Variants in EHMT1 observed in about 807,000 individuals in gnomAD.
The protein encoded by EHMT1 is histone-lysine N-methyltransferase EHMT1.
In EHMT1, 15 loss-of-function variants were observed where a neutral mutation model predicts 147.2. The ratio of observed to expected loss-of-function variants is 0.10; its 90% CI spans 0.07 to 0.16. The LOEUF (loss-of-function observed/expected upper bound fraction) is 0.16. Ranked by LOEUF, EHMT1 falls within the 10% of genes least tolerant of loss-of-function variation. EHMT1 has a pLI of 1.00. For synonymous variants in EHMT1, 795 were observed against 709.6 expected (o/e 1.12, Z -1.91); for missense variants, 1,587 against 1,772.4 (o/e 0.90, Z 1.88).
intron 3 of EHMT1, among the ~76,000 whole-genome samples, chr9:137,721,632 C>A (rs1334375595): frequency 6.7e-6 from 1 of 150,358 alleles, no homozygotes; most frequent in Non-Finnish European, 1.5e-5. Context: ...TCATCCTCTC[C>A]CACGCCTCTC....
intron 18 of EHMT1, among the ~76,000 whole-genome samples, chr9:137,806,310 AT>A (rs1326785756): frequency 1.3e-5 from 2 of 151,856 alleles, no homozygotes; most frequent in Non-Finnish European, 2.9e-5. Flanking sequence ...TGCTCCTGCC[AT>A]CCCCATCCCT....
intron 1 of EHMT1, among the ~76,000 whole-genome samples, chr9:137,707,656 G>T (rs1315936463): frequency 6.6e-6 from 1 of 152,262 alleles, no homozygotes; most frequent in African/African-American, 2.4e-5. Context: ...TTATTCGGTA[G>T]TGTGTTACAT....
intron 1 of EHMT1, chr9:137,640,856 C>T (rs894708865): frequency 6.5e-6 from 1 of 152,866 alleles, no homozygotes; most frequent in African/African-American, 2.4e-5. Context: ...GTATTTCCCC[C>T]CCAGATAAGT....
At chr9:137,639,750 C>T (rs548096164) in intron 1 of EHMT1, among the ~76,000 whole-genome samples, 2 of 152,126 alleles carry the variant, frequency 1.3e-5, no homozygotes, top group South Asian at 2.1e-4. Context: ...CTTGTAGATT[C>T]AGCAGTTGAA....
chr9:137,649,162 G>A (rs551635891), intron 1 of EHMT1, among the ~76,000 whole-genome samples: 8 of 152,104 alleles, frequency 5.3e-5, no homozygotes, highest in Middle Eastern at 3.4e-3. Context: ...GTGTTCTCCC[G>A]GCTGGGTGCA....
intron 18 of EHMT1, among the ~76,000 whole-genome samples, chr9:137,804,268 C>T (rs1953746880): frequency 6.6e-6 from 1 of 152,214 alleles, no homozygotes; most frequent in Non-Finnish European, 1.5e-5. Flanking sequence ...TCCTCCGCAT[C>T]CTTCCCAACA....
chr9:137,770,511 G>T (rs777017057), intron 10 of EHMT1, among the ~76,000 whole-genome samples: 4 of 152,160 alleles, frequency 2.6e-5, no homozygotes, highest in South Asian at 2.1e-4. Flanking sequence ...CAATATTTTT[G>T]ATGTGTTGGG....
At chr9:137,807,293 T>C (rs1040889268) in intron 18 of EHMT1, among the ~76,000 whole-genome samples, 5 of 152,182 alleles carry the variant, frequency 3.3e-5, no homozygotes, top group African/African-American at 1.2e-4. Context: ...TTGGTTTGTC[T>C]TCTAGTCCAC....
At chr9:137,833,587 C>T (rs771573902) in intron 25 of EHMT1, among the ~76,000 whole-genome samples, 2 of 152,190 alleles carry the variant, frequency 1.3e-5, no homozygotes, top group Admixed American at 6.5e-5. Context: ...AAAGGGGTTG[C>T]GTGGTTAGGT....
chr9:137,815,890 A>C (rs1954879532), intron 22 of EHMT1, 57 bp from the exon 23 acceptor site: 8 of 1,396,608 alleles, frequency 5.7e-6, no homozygotes, highest in Non-Finnish European at 8.0e-6. Flanking sequence ...GGTTGATGTC[A>C]GTTCAATTAA....
At chr9:137,830,369 C>T (rs1956106938) in intron 25 of EHMT1, among the ~76,000 whole-genome samples, 1 of 152,224 alleles carries the variant, frequency 6.6e-6, no homozygotes, top group South Asian at 2.1e-4. Flanking sequence ...GGGGTGCCCA[C>T]TGCTGTCAGG....
intron 1 of EHMT1, among the ~76,000 whole-genome samples, chr9:137,671,336 A>G (rs1940600343): frequency 6.6e-6 from 1 of 152,100 alleles, no homozygotes. Context: ...GAGAGCATGT[A>G]TTAGCTTTAC....
In EHMT1 at chr9:137,699,807, C is replaced by G. The variant is rs116932197; in HGVS notation, c.22-11160C>G. Among the ~76,000 whole-genome samples the G allele has an allele frequency of 2.4e-4, 36 of 152,304 alleles. 1 individual carries two copies. The East Asian group carries it at 6.9e-3, about 29-fold the overall frequency. ...GAGGTTGCAGTGAGCTGTGGTTGCA[C>G]CACTGCACTCCAGCCTGGGTGACAG... On this transcript the variant is annotated intron_variant, in intron 1 of 26. Transcript: ENST00000460843.
chr9:137,763,233 C>G (rs899509333), intron 10 of EHMT1: 6 of 369,954 alleles, frequency 1.6e-5, no homozygotes, highest in Admixed American at 1.2e-4. Context: ...TCGGCCACCT[C>G]CCTCCTTTCA....
In EHMT1 at chr9:137,777,973, C is replaced by T. The variant is rs866512456; in HGVS notation, c.2110C>T (p.Leu704Phe). 1.2e-5 allele frequency: 20 copies of T among 1,613,850 alleles called. 1 individual carries two copies. The Middle Eastern group carries it at 3.1e-3, about 253-fold the overall frequency. ...CTTTGATCCAACGGGACCTGCTGGG[C>T]TTGGGAGGCCAACTCCCGGCCTTTC... ...EGFDPTGPAG[L>F]GRPTPGLSQG... Residue 704 changes from leucine (L) to phenylalanine (F), a missense_variant, in exon 13 of 27, where the codon CTT becomes TTT. Leu to Phe is a conservative substitution (Grantham distance 22). Coordinates refer to ENST00000460843, the MANE Select transcript of EHMT1 (RefSeq NM_024757.5).
intron 1 of EHMT1, among the ~76,000 whole-genome samples, chr9:137,644,334 T>G (rs1483411282): frequency 6.6e-6 from 1 of 152,044 alleles, no homozygotes; most frequent in African/African-American, 2.4e-5. Context: ...CATACTTTTT[T>G]TTTTTTTTGA....
At chr9:137,730,118 G>A (rs888297989) in intron 4 of EHMT1, among the ~76,000 whole-genome samples, 6 of 152,236 alleles carry the variant, frequency 3.9e-5, no homozygotes, top group African/African-American at 1.4e-4. Flanking sequence ...TCCCAGGATT[G>A]TGTGCAGGTC....
At chr9:137,629,799 G>C (rs936615360) in intron 1 of EHMT1, among the ~76,000 whole-genome samples, 1 of 152,048 alleles carries the variant, frequency 6.6e-6, no homozygotes, top group East Asian at 1.9e-4. Flanking sequence ...CAAAGTGCTG[G>C]GATTATAGGC....
intron 25 of EHMT1, among the ~76,000 whole-genome samples, chr9:137,821,155 C>T (rs12349000): frequency 0.15 from 22,582 of 151,860 alleles, 5,492 homozygotes; most frequent in African/African-American, 0.51. Context: ...GGATTACAGG[C>T]GTGAGCCACT....
Sources: allele counts gnomAD v4.1 joint callset (sites outside exome capture counted in the v4.1 genomes callset), GRCh38; gene constraint gnomAD v4.1.1; transcripts MANE v1.5; gene names NCBI Gene and HGNC (gene_info 2026-07-23, HGNC 2026-07-21).